The following SRPK2 variants were observed in gnomAD, a reference collection of about 807,000 sequenced individuals.
SRPK2 encodes SFRS protein kinase 2.
Under a neutral mutation model 90.8 loss-of-function variants are expected in SRPK2, and 21 were observed. The observed-to-expected ratio is 0.23, with a 90% CI of 0.16 to 0.33. SRPK2 has a LOEUF of 0.33. Ranked by LOEUF, SRPK2 falls within the 10% of genes least tolerant of loss-of-function variation. The pLI is 1.00. For missense variants in SRPK2, 620 were observed against 869.0 expected, an observed-to-expected ratio of 0.71 and a Z score of 3.60; for synonymous variants, 288 against 311.1, an observed-to-expected ratio of 0.93 and a Z score of 0.78.
intron 2 of SRPK2, among the ~76,000 whole-genome samples, chr7:105,296,153 AC>A (rs1809789144): frequency 6.6e-6 from 1 of 152,228 alleles, no homozygotes; most frequent in African/African-American, 2.4e-5. Context: ...AAACTACTCC[AC>A]AAGTGCTTTT....
intron 1 of SRPK2, among the ~76,000 whole-genome samples, chr7:105,395,777 T>C (rs905130765): frequency 6.6e-6 from 1 of 152,178 alleles, no homozygotes; most frequent in Non-Finnish European, 1.5e-5. Context: ...CAGTCCTTTT[T>C]ACTTCTATAA....
chr7:105,156,714 G>C (rs1170962354), intron 7 of SRPK2, among the ~76,000 whole-genome samples: 2 of 152,054 alleles, frequency 1.3e-5, no homozygotes, highest in African/African-American at 4.8e-5. Flanking sequence ...ATGTTGCCCA[G>C]GTTGGTCTTG....
intron 2 of SRPK2, chr7:105,269,128 T>C (rs2130458712): frequency 9.2e-7 from 1 of 1,092,354 alleles, no homozygotes; most frequent in Non-Finnish European, 1.1e-6. Flanking sequence ...TTTTCTTTTT[T>C]AAGGTAGAAC....
chr7:105,204,588 C>T (rs1027690332), intron 2 of SRPK2: 18 of 513,718 alleles, frequency 3.5e-5, no homozygotes, highest in East Asian at 6.1e-5. Flanking sequence ...CCACTGAATG[C>T]GTGCGCTGAA....
chr7:105,298,108 T>C (rs1174415744), intron 2 of SRPK2, among the ~76,000 whole-genome samples: 8 of 152,188 alleles, frequency 5.3e-5, no homozygotes, highest in Non-Finnish European at 1.0e-4. Context: ...CACAGTTGTG[T>C]AACCACTACC....
chr7:105,335,095 C>T (rs1353363069), intron 2 of SRPK2, among the ~76,000 whole-genome samples: 3 of 152,118 alleles, frequency 2.0e-5, no homozygotes, highest in African/African-American at 7.2e-5. Flanking sequence ...CGCTTGAACC[C>T]AGGAGGCAGA....
intron 2 of SRPK2, among the ~76,000 whole-genome samples, chr7:105,216,347 T>C (rs1797461401): frequency 6.6e-6 from 1 of 152,116 alleles, no homozygotes; most frequent in Non-Finnish European, 1.5e-5. Flanking sequence ...AAGCCAATAA[T>C]GGTTGTCTCC....
At chr7:105,237,167 C>A (rs1452207333) in intron 2 of SRPK2, among the ~76,000 whole-genome samples, 1 of 152,210 alleles carries the variant, frequency 6.6e-6, no homozygotes, top group Admixed American at 6.5e-5. Context: ...TAGCTTCTGA[C>A]CAAACCCTGT....
intron 11 of SRPK2, among the ~76,000 whole-genome samples, chr7:105,138,971 C>A (rs568163952): frequency 6.6e-6 from 1 of 152,110 alleles, no homozygotes; most frequent in Non-Finnish European, 1.5e-5. Flanking sequence ...ATATGCAATG[C>A]GGCAAAATGT....
chr7:105,245,207 G>A (rs1801476439), intron 2 of SRPK2, among the ~76,000 whole-genome samples: 1 of 152,178 alleles, frequency 6.6e-6, no homozygotes, highest in Non-Finnish European at 1.5e-5. Flanking sequence ...AGCTCCTTGC[G>A]TCTCGAGCTA....
intron 2 of SRPK2, among the ~76,000 whole-genome samples, chr7:105,240,195 T>C (rs187842234): frequency 2.0e-5 from 3 of 152,298 alleles, no homozygotes; most frequent in East Asian, 3.9e-4. Context: ...AGCTGTGTCC[T>C]CATGGTGGAA....
At chr7:105,188,050 A>G (rs1369008405) in intron 3 of SRPK2, among the ~76,000 whole-genome samples, 1 of 152,236 alleles carries the variant, frequency 6.6e-6, no homozygotes, top group African/African-American at 2.4e-5. Flanking sequence ...AAATGAAAAC[A>G]AATGTACACT....
At chr7:105,362,641 T>C (rs538221986) in intron 2 of SRPK2, among the ~76,000 whole-genome samples, 3 of 152,164 alleles carry the variant, frequency 2.0e-5, no homozygotes, top group South Asian at 2.1e-4. Flanking sequence ...AGTGTGGTGA[T>C]TTCTCAAGGA....
intron 7 of SRPK2, among the ~76,000 whole-genome samples, chr7:105,155,008 T>C (rs997814267): frequency 1.9e-4 from 29 of 149,752 alleles, no homozygotes; most frequent in Admixed American, 1.9e-3. Context: ...GAGTCAGAAT[T>C]TCGCTATTGT....
At chr7:105,342,100 C>G (rs1040929708) in intron 2 of SRPK2, among the ~76,000 whole-genome samples, 2 of 151,204 alleles carry the variant, frequency 1.3e-5, no homozygotes, top group Non-Finnish European at 2.9e-5. Flanking sequence ...CCCATCTCTA[C>G]TAAAAATACA....
At chr7:105,115,779 TA>T (rs1042462235), downstream of SRPK2, among the ~76,000 whole-genome samples, 1 of 152,170 alleles carries the variant, frequency 6.6e-6, no homozygotes, top group African/African-American at 2.4e-5. Flanking sequence ...AAAACTGCAT[TA>T]GACAAATTTC....
At chr7:105,298,823 A>G (rs1240798514) in intron 2 of SRPK2, 17 of 983,480 alleles carry the variant, frequency 1.7e-5, no homozygotes, top group Non-Finnish European at 2.1e-5. Flanking sequence ...GCAGCCCTGC[A>G]TCACAATGCC....
chr7:105,147,583 C>T (rs1330171724), intron 7 of SRPK2, among the ~76,000 whole-genome samples: 1 of 152,178 alleles, frequency 6.6e-6, no homozygotes, highest in Admixed American at 6.5e-5. Context: ...TCCCAAAGTA[C>T]TGGGATTACA....
chr7:105,306,394 C>T lies in SRPK2; in HGVS notation c.71+82254G>A, dbSNP rs748645195. 4.7e-4 allele frequency: 189 copies of T among 402,990 alleles called. 1 individual carries two copies. The highest frequency in any genetic ancestry group is 5.8e-4 in the Non-Finnish European group (121 of 209,896). 25.0% of individuals were successfully genotyped at this position (402,990 alleles called of 1,614,324 possible). A position where few individuals can be genotyped will look rare whatever the true frequency, so the allele number is the denominator to read the frequency against. ...AACTGTGAATTATTTTTGCAAAGTACGTATCACTAGAACCAAGATGTTTAA... is the reference window on the plus strand; with the variant it reads ...AACTGTGAATTATTTTTGCAAAGTATGTATCACTAGAACCAAGATGTTTAA... On this transcript the variant is annotated intron_variant, in intron 2 of 15. Transcript: ENST00000393651.
Sources: allele counts gnomAD v4.1 joint callset (sites outside exome capture counted in the v4.1 genomes callset), GRCh38; gene constraint gnomAD v4.1.1; transcripts MANE v1.5; gene names NCBI Gene and HGNC (gene_info 2026-07-23, HGNC 2026-07-21).